SPATA13: variants seen among roughly 807,000 people sequenced by gnomAD.
SPATA13 encodes the protein spermatogenesis-associated protein 13.
In SPATA13, 50 loss-of-function variants were observed where a neutral mutation model predicts 104.0. That is an observed-to-expected ratio of 0.48 (90% confidence interval 0.38 to 0.61). SPATA13 has a LOEUF of 0.61. SPATA13 is among the 20% of genes least tolerant of loss of function. The pLI, the probability that SPATA13 is intolerant of heterozygous loss-of-function variation, is 0.00. For synonymous variants in SPATA13, 606 were observed against 667.5 expected (o/e 0.91, Z 1.42); for missense variants, 1,524 against 1,690.6 (o/e 0.90, Z 1.73).
At chr13:24,278,160 T>C (rs1424464969) in intron 4 of SPATA13, among the ~76,000 whole-genome samples, 1 of 152,202 alleles carries the variant, frequency 6.6e-6, no homozygotes, top group Non-Finnish European at 1.5e-5. Context: ...CAGATTTGGA[T>C]ACTAACACTG....
At chr13:24,086,211 T>G (rs1879713578) in intron 3 of SPATA13, among the ~76,000 whole-genome samples, 1 of 152,258 alleles carries the variant, frequency 6.6e-6, no homozygotes, top group Non-Finnish European at 1.5e-5. Flanking sequence ...TACGTTTGAA[T>G]TTCAGATAAA....
At chr13:24,172,566 T>C (rs1009802994) in intron 1 of SPATA13, among the ~76,000 whole-genome samples, 3 of 152,272 alleles carry the variant, frequency 2.0e-5, no homozygotes, top group African/African-American at 7.2e-5. Flanking sequence ...GTTTTTTTCT[T>C]GGCCTGTAGA....
At chr13:24,148,907 TC>T (rs1210304298) in intron 3 of SPATA13, among the ~76,000 whole-genome samples, 2 of 150,212 alleles carry the variant, frequency 1.3e-5, no homozygotes, top group African/African-American at 5.1e-5. Context: ...ATTCATGGTT[TC>T]CATGAGTGTT....
At chr13:24,265,146 GAGCTGTGTATGATGGGGCC>G (rs1874237993) in intron 4 of SPATA13, among the ~76,000 whole-genome samples, 1 of 152,204 alleles carries the variant, frequency 6.6e-6, no homozygotes, top group African/African-American at 2.4e-5. Context: ...TCCATTTCCT[GAGCTGTGTATGATGGGGCC>G]CGCCCCTCCT....
intron 3 of SPATA13, among the ~76,000 whole-genome samples, chr13:24,063,823 T>A (rs766948666): frequency 9.2e-5 from 14 of 152,216 alleles, no homozygotes; most frequent in Non-Finnish European, 1.9e-4. Context: ...CCTGAATTTG[T>A]GTCGTTTCCT....
intron 1 of SPATA13, among the ~76,000 whole-genome samples, chr13:24,202,698 G>A (rs548885266): frequency 1.3e-5 from 2 of 151,512 alleles, no homozygotes; most frequent in Non-Finnish European, 2.9e-5. Context: ...AGTGAGAACT[G>A]TCTTATTAGA....
intron 3 of SPATA13, among the ~76,000 whole-genome samples, chr13:24,090,551 G>A (rs924583148): frequency 5.9e-5 from 9 of 151,898 alleles, no homozygotes; most frequent in East Asian, 3.9e-4. Context: ...AATCCACCAC[G>A]TCCTACAGAC....
At position 24,297,755 on chromosome 13, in the gene SPATA13, G is replaced by A. The variant is rs762242386; in HGVS notation, c.3583+20G>A. ...AGATGGGTGAGCAGCCCTTGGCTCTGCAGGCACCTGTGCCTCTGCTTGCTG... is the reference window on the plus strand; with the variant it reads ...AGATGGGTGAGCAGCCCTTGGCTCTACAGGCACCTGTGCCTCTGCTTGCTG... On this transcript the variant is annotated intron_variant, in intron 11 of 12. Coordinates refer to ENST00000382108, the MANE Select transcript of SPATA13 (RefSeq NM_001166271.3). 3 of 1,592,986 alleles carry A rather than the reference G, an allele frequency of 1.9e-6. No individual in the cohort carries two copies. The highest frequency in any genetic ancestry group is 2.6e-6 in the Non-Finnish European group (3 of 1,168,342).
chr13:24,270,649 A>T, intron 4 of SPATA13: 1 of 1,175,156 alleles, frequency 8.5e-7, no homozygotes, highest in Non-Finnish European at 1.2e-6. Flanking sequence ...CACTGTAGCC[A>T]CTAACCCTTG....
chr13:24,267,813 A>C (rs1353490857), intron 4 of SPATA13, among the ~76,000 whole-genome samples: 1 of 152,262 alleles, frequency 6.6e-6, no homozygotes, highest in Non-Finnish European at 1.5e-5. Flanking sequence ...ACTAGTTAGA[A>C]AAGATACTGA....
At chr13:24,147,753 C>G (rs557134061) in intron 3 of SPATA13, among the ~76,000 whole-genome samples, 4 of 138,596 alleles carry the variant, frequency 2.9e-5, no homozygotes, top group African/African-American at 1.0e-4. Context: ...ATTAACTCCC[C>G]GTTCCCTCCA....
exon 2 of SPATA13, chr13:23,983,817 G>A: frequency 1.1e-6 from 1 of 927,644 alleles, no homozygotes; most frequent in Non-Finnish European, 1.3e-6. Flanking sequence ...TTTTTGAGCT[G>A]CAGAGTGATG....
At chr13:24,300,899 G>A (rs945427665) in intron 12 of SPATA13, among the ~76,000 whole-genome samples, 2 of 152,134 alleles carry the variant, frequency 1.3e-5, no homozygotes, top group Non-Finnish European at 2.9e-5. Context: ...GCTGGATATA[G>A]TCTAGTTTAA....
At chr13:24,207,668 T>C (rs910382814) in intron 1 of SPATA13, among the ~76,000 whole-genome samples, 4 of 152,200 alleles carry the variant, frequency 2.6e-5, no homozygotes, top group Admixed American at 2.0e-4. Context: ...AGACAAATCT[T>C]AGGAAAAGAA....
intron 3 of SPATA13, among the ~76,000 whole-genome samples, chr13:24,024,620 T>G (rs1877124927): frequency 6.6e-6 from 1 of 151,636 alleles, no homozygotes; most frequent in Non-Finnish European, 1.5e-5. Context: ...CTATGATGCA[T>G]CCAGTGCTTA....
At chr13:24,140,576 C>G (rs1881731336) in intron 3 of SPATA13, among the ~76,000 whole-genome samples, 1 of 152,198 alleles carries the variant, frequency 6.6e-6, no homozygotes, top group Admixed American at 6.5e-5. Context: ...AAACGTTCCT[C>G]TTCAAAGCTC....
intron 1 of SPATA13, among the ~76,000 whole-genome samples, chr13:24,221,937 C>T (rs1245537579): frequency 6.6e-6 from 1 of 151,710 alleles, no homozygotes; most frequent in Non-Finnish European, 1.5e-5. Context: ...TTCAGCCTCC[C>T]GAGTAGCTAG....
intron 2 of SPATA13, among the ~76,000 whole-genome samples, chr13:23,986,390 C>T (rs993113355): frequency 3.3e-5 from 5 of 152,140 alleles, no homozygotes; most frequent in Admixed American, 1.3e-4. Context: ...GCTTATCGAG[C>T]CAAATTCCCA....
intron 2 of SPATA13, among the ~76,000 whole-genome samples, chr13:24,248,652 C>A (rs2138658736): frequency 6.6e-6 from 1 of 152,242 alleles, no homozygotes; most frequent in Admixed American, 6.5e-5. Flanking sequence ...CAGACTGCTG[C>A]CTGGAGGCTG....
Sources: allele counts gnomAD v4.1 joint callset (sites outside exome capture counted in the v4.1 genomes callset), GRCh38; gene constraint gnomAD v4.1.1; transcripts MANE v1.5; gene names NCBI Gene and HGNC (gene_info 2026-07-23, HGNC 2026-07-21).